PCBD2: variants seen among roughly 807,000 people sequenced by gnomAD.
The protein encoded by PCBD2 is pterin-4-alpha-carbinolamine dehydratase 2.
Under a neutral mutation model 16.4 loss-of-function variants are expected in PCBD2, and 12 were observed. The ratio of observed to expected loss-of-function variants is 0.73; its 90% CI spans 0.47 to 1.19. The LOEUF (loss-of-function observed/expected upper bound fraction) is 1.19. Ranked by LOEUF, PCBD2 falls within the 50% of genes most tolerant of loss-of-function variation. The pLI is 0.00. For synonymous variants in PCBD2, 58 were observed against 61.8 expected (o/e 0.94, Z 0.29); for missense variants, 138 against 156.8 (o/e 0.88, Z 0.64).
At chr5:134,906,880 A>AC (rs1164170256) in intron 1 of PCBD2, among the ~76,000 whole-genome samples, 2 of 152,072 alleles carry the variant, frequency 1.3e-5, no homozygotes, top group Non-Finnish European at 1.5e-5. Flanking sequence ...ATCCTAGCCT[A>AC]CCCCCCATCC....
intron 2 of PCBD2, among the ~76,000 whole-genome samples, chr5:134,956,706 A>C (rs998964683): frequency 3.3e-5 from 5 of 152,156 alleles, no homozygotes; most frequent in Non-Finnish European, 7.4e-5. Context: ...TGACAACTGG[A>C]AAAAGGAAAG....
At chr5:134,905,552 C>T (rs557946645) in intron 1 of PCBD2, 1 of 225,944 alleles carries the variant, frequency 4.4e-6, no homozygotes, top group South Asian at 1.8e-4. Flanking sequence ...CAATTCGGTG[C>T]CCGCTGCCGC....
intron 2 of PCBD2, among the ~76,000 whole-genome samples, chr5:134,950,021 T>C (rs1228475066): frequency 6.6e-6 from 1 of 152,268 alleles, no homozygotes. Flanking sequence ...TTGCTGATCA[T>C]GTTTCAAGAC....
intron 1 of PCBD2, chr5:134,908,941 A>G (rs1050837657): frequency 2.0e-5 from 3 of 152,170 alleles, no homozygotes; most frequent in Non-Finnish European, 4.4e-5. Flanking sequence ...GCCTTCACTA[A>G]TGTTCATCTT....
intron 3 of PCBD2, 52 bp downstream of exon 3, chr5:134,959,172 C>A: frequency 7.6e-7 from 1 of 1,323,694 alleles, no homozygotes; most frequent in Non-Finnish European, 1.1e-6. Flanking sequence ...GTTTAAGAAA[C>A]TTCTTTCTTC....
At chr5:134,927,105 C>T (rs1361102255) in intron 2 of PCBD2, 4 of 398,304 alleles carry the variant, frequency 1.0e-5, no homozygotes, top group African/African-American at 8.2e-5. Context: ...AATGACTGCG[C>T]CGGTGAAGCT....
chr5:134,954,804 C>T lies in PCBD2; in HGVS notation c.217-4236C>T, dbSNP rs530867880. 1.1e-3 allele frequency among the ~76,000 whole-genome samples: 167 copies of T among 151,364 alleles called. 1 individual carries two copies. Among genetic ancestry groups the T allele is most frequent in the African/African-American group, 3.5e-3 (143 of 41,190 alleles). On this transcript the variant is annotated intron_variant, in intron 2 of 3. Coordinates refer to ENST00000254908, the MANE Select transcript of PCBD2 (RefSeq NM_032151.5). Reference sequence around the variant, plus strand: ...TCACCCAGGCTGGAGTGCAGTGGTGCGATCTTGGCTCACTGCAACCTCTGC... The same window carrying T: ...TCACCCAGGCTGGAGTGCAGTGGTGTGATCTTGGCTCACTGCAACCTCTGC...
chr5:134,919,824 C>T (rs951483528), intron 2 of PCBD2, among the ~76,000 whole-genome samples: 2 of 152,188 alleles, frequency 1.3e-5, no homozygotes, highest in African/African-American at 4.8e-5. Context: ...TATGCCTGCC[C>T]ACCGCTTCAG....
intron 2 of PCBD2, among the ~76,000 whole-genome samples, chr5:134,916,039 A>G (rs1029211533): frequency 1.3e-5 from 2 of 152,240 alleles, no homozygotes; most frequent in African/African-American, 4.8e-5. Context: ...CTGTAATCCC[A>G]GAACTCTGGG....
At chr5:134,942,838 A>G (rs1009565969) in intron 2 of PCBD2, among the ~76,000 whole-genome samples, 1 of 152,204 alleles carries the variant, frequency 6.6e-6, no homozygotes, top group Non-Finnish European at 1.5e-5. Context: ...GTCTGGGTTG[A>G]GAGCCCAGGT....
At chr5:134,915,333 AC>A (rs376601900) in intron 2 of PCBD2, among the ~76,000 whole-genome samples, 199 of 151,604 alleles carry the variant, frequency 1.3e-3, no homozygotes, top group African/African-American at 4.7e-3. Context: ...AAAAAAAAGG[AC>A]ATATCCATTG....
At chr5:134,950,917 C>T (rs2149539679) in intron 2 of PCBD2, among the ~76,000 whole-genome samples, 1 of 152,212 alleles carries the variant, frequency 6.6e-6, no homozygotes. Flanking sequence ...TAAAAACCCA[C>T]CTAAACAGGT....
At chr5:134,924,708 G>T in intron 2 of PCBD2, 1 of 395,748 alleles carries the variant, frequency 2.5e-6, no homozygotes, top group South Asian at 1.3e-4. Flanking sequence ...AATAAAGTTT[G>T]ATTATGCCTT....
At chr5:134,945,038 A>G (rs1285141865) in intron 2 of PCBD2, among the ~76,000 whole-genome samples, 2 of 152,244 alleles carry the variant, frequency 1.3e-5, no homozygotes, top group Admixed American at 6.5e-5. Context: ...TGGCAAGGCT[A>G]TTGAAGCCTT....
At position 134,926,226 on chromosome 5, in the gene PCBD2, T is replaced by C. The variant is rs574111798; in HGVS notation, c.216+15760T>C. On this transcript the variant is annotated intron_variant, in intron 2 of 3. Transcript: ENST00000254908. ...TGGAGAAATAATCTAGTTTGAAGCT[T>C]AGGGAGAGTTGGGTTGTTTGGGTTG... is the stretch of plus-strand genomic sequence containing the variant. The C allele has an allele frequency of 1.9e-3, 610 of 326,712 alleles. 2 individuals are homozygous for C. The highest frequency in any genetic ancestry group is 0.012 in the African/African-American group (560 of 46,968). 20.2% of individuals were successfully genotyped at this position (326,712 alleles called of 1,614,324 possible).
intron 2 of PCBD2, chr5:134,925,760 G>A (rs976787484): frequency 5.0e-6 from 2 of 396,060 alleles, no homozygotes; most frequent in Non-Finnish European, 8.9e-6. Context: ...ATGGCTGAGG[G>A]GAGTCAGGGG....
At chr5:134,934,229 T>G (rs1751131758) in intron 2 of PCBD2, among the ~76,000 whole-genome samples, 1 of 152,186 alleles carries the variant, frequency 6.6e-6, no homozygotes, top group South Asian at 2.1e-4. Context: ...GTGATATTGC[T>G]GGTTCTCAAA....
At chr5:134,916,366 A>T (rs1750833485) in intron 2 of PCBD2, among the ~76,000 whole-genome samples, 2 of 152,136 alleles carry the variant, frequency 1.3e-5, no homozygotes, top group Admixed American at 1.3e-4. Flanking sequence ...AGCATTTTTC[A>T]GTTCTTTAGT....
At chr5:134,933,544 G>A (rs538181866) in intron 2 of PCBD2, among the ~76,000 whole-genome samples, 5 of 152,160 alleles carry the variant, frequency 3.3e-5, no homozygotes, top group Non-Finnish European at 7.3e-5. Flanking sequence ...CTTACCACAC[G>A]ATTTTGAATG....
Sources: allele counts gnomAD v4.1 joint callset (sites outside exome capture counted in the v4.1 genomes callset), GRCh38; gene constraint gnomAD v4.1.1; transcripts MANE v1.5; gene names NCBI Gene and HGNC (gene_info 2026-07-23, HGNC 2026-07-21).